Variants in SLC24A2 observed in about 807,000 individuals in gnomAD.
SLC24A2 encodes the protein sodium/potassium/calcium exchanger 2.
In SLC24A2, 36 loss-of-function variants were observed where a neutral mutation model predicts 62.0. The ratio of observed to expected loss-of-function variants is 0.58; its 90% CI spans 0.44 to 0.77. SLC24A2 has a LOEUF of 0.77. Among genes scored for constraint, SLC24A2 ranks in the 30% least tolerant of loss-of-function variants. The pLI is 0.00. For synonymous variants in SLC24A2, 358 were observed against 294.0 expected (o/e 1.22, Z -2.23); for missense variants, 846 against 817.9 (o/e 1.03, Z -0.42).
At chr9:20,269,425 T>C in the SLC24A2 span, among the ~76,000 whole-genome samples, 1 of 152,156 alleles carries the variant, frequency 6.6e-6, no homozygotes, top group African/African-American at 2.4e-5. Flanking sequence ...CTCCCACCCA[T>C]GACTCTCCTG....
At chr9:20,246,584 A>G in the SLC24A2 span, among the ~76,000 whole-genome samples, 2 of 152,272 alleles carry the variant, frequency 1.3e-5, no homozygotes, top group Non-Finnish European at 2.9e-5. Flanking sequence ...ATTTAATGAG[A>G]AGACTACAGT....
At chr9:20,030,560 A>G in the SLC24A2 span, among the ~76,000 whole-genome samples, 2 of 152,172 alleles carry the variant, frequency 1.3e-5, no homozygotes, top group Non-Finnish European at 2.9e-5. Context: ...CTGTATGCCT[A>G]TGATCTTCTG....
chr9:19,840,965 A>G, the SLC24A2 span, among the ~76,000 whole-genome samples: 1 of 152,192 alleles, frequency 6.6e-6, no homozygotes, highest in Non-Finnish European at 1.5e-5. Flanking sequence ...TCCATTGTAC[A>G]TAAGGGAATA....
chr9:19,795,383 C>T, the SLC24A2 span, among the ~76,000 whole-genome samples: 11 of 151,884 alleles, frequency 7.2e-5, no homozygotes, highest in African/African-American at 2.7e-4. Flanking sequence ...AGTTCCTCTC[C>T]ACTTGCCTCT....
the SLC24A2 span, among the ~76,000 whole-genome samples, chr9:19,923,315 T>C: frequency 6.6e-6 from 1 of 152,216 alleles, no homozygotes; most frequent in Non-Finnish European, 1.5e-5. Flanking sequence ...ACATAATAGA[T>C]GACACGTTTA....
the SLC24A2 span, among the ~76,000 whole-genome samples, chr9:20,216,102 G>T: frequency 4.2e-4 from 6 of 14,440 alleles, no homozygotes; most frequent in Admixed American, 1.2e-3. Context: ...CAAATAAGAG[G>T]GTTTTTTTCT....
intron 2 of SLC24A2, among the ~76,000 whole-genome samples, chr9:19,666,488 T>C (rs1186026082): frequency 2.6e-5 from 4 of 151,658 alleles, no homozygotes; most frequent in African/African-American, 9.7e-5. Context: ...GTAGGGAAAC[T>C]GTGGAATATA....
the SLC24A2 span, among the ~76,000 whole-genome samples, chr9:19,978,774 T>C: frequency 2.0e-5 from 3 of 152,094 alleles, no homozygotes; most frequent in Non-Finnish European, 2.9e-5. Context: ...AGAAAACTTA[T>C]ATTCTTGCTA....
chr9:20,043,024 G>T, the SLC24A2 span, among the ~76,000 whole-genome samples: 2 of 152,022 alleles, frequency 1.3e-5, no homozygotes, highest in Non-Finnish European at 2.9e-5. Context: ...TATGGAAATT[G>T]GACCAATTAA....
At chr9:19,750,746 G>A (rs964553602) in intron 2 of SLC24A2, among the ~76,000 whole-genome samples, 4 of 152,148 alleles carry the variant, frequency 2.6e-5, no homozygotes, top group African/African-American at 9.7e-5. Context: ...TCAAGGTCTG[G>A]CTTTGGTCTG....
chr9:19,764,570 A>G (rs1822454105), intron 2 of SLC24A2, among the ~76,000 whole-genome samples: 1 of 152,198 alleles, frequency 6.6e-6, no homozygotes, highest in African/African-American at 2.4e-5. Context: ...CGCAGTAGTC[A>G]TTCAGGAGCA....
the SLC24A2 span, among the ~76,000 whole-genome samples, chr9:19,803,293 A>T: frequency 1.3e-5 from 2 of 152,238 alleles, no homozygotes; most frequent in Non-Finnish European, 2.9e-5. Flanking sequence ...TGCTCTATAT[A>T]AACAAACATT....
chr9:20,284,160 C>T, the SLC24A2 span, among the ~76,000 whole-genome samples: 1 of 152,206 alleles, frequency 6.6e-6, no homozygotes, highest in African/African-American at 2.4e-5. Context: ...TCCTGCCCCA[C>T]TCATGCCTAA....
chr9:20,294,959 G>T, the SLC24A2 span, among the ~76,000 whole-genome samples: 4 of 151,440 alleles, frequency 2.6e-5, no homozygotes, highest in Admixed American at 2.0e-4. Context: ...ACCCATTTTA[G>T]ATCAGGTATA....
intron 2 of SLC24A2, among the ~76,000 whole-genome samples, chr9:19,759,999 A>G (rs570303634): frequency 1.3e-5 from 2 of 152,338 alleles, no homozygotes; most frequent in South Asian, 4.1e-4. Context: ...TCTGAGCCAC[A>G]TAACTTTATT....
the SLC24A2 span, among the ~76,000 whole-genome samples, chr9:20,209,309 C>T: frequency 2.0e-5 from 3 of 152,254 alleles, no homozygotes; most frequent in Admixed American, 1.3e-4. Flanking sequence ...TGTTTTTAGT[C>T]TTCTTGCAGA....
At chr9:20,304,703 G>C in the SLC24A2 span, among the ~76,000 whole-genome samples, 1 of 152,118 alleles carries the variant, frequency 6.6e-6, no homozygotes, top group Admixed American at 6.5e-5. Flanking sequence ...GGGTCTCCAG[G>C]AACACAATCC....
intron 2 of SLC24A2, among the ~76,000 whole-genome samples, chr9:19,671,355 T>C (rs1238475297): frequency 6.6e-6 from 1 of 151,910 alleles, no homozygotes; most frequent in Non-Finnish European, 1.5e-5. Context: ...ATTCTCAGCT[T>C]GGTCACTGTT....
At chr9:20,254,857 G>T in the SLC24A2 span, among the ~76,000 whole-genome samples, 28,881 of 152,086 alleles carry the variant, frequency 0.19, 2,945 homozygotes, top group African/African-American at 0.26. Flanking sequence ...CACAGTCCTG[G>T]CGGAATGTGA....
Sources: allele counts gnomAD v4.1 joint callset (sites outside exome capture counted in the v4.1 genomes callset), GRCh38; gene constraint gnomAD v4.1.1; transcripts MANE v1.5; gene names NCBI Gene and HGNC (gene_info 2026-07-23, HGNC 2026-07-21).